CTNNA1: variants seen among roughly 807,000 people sequenced by gnomAD.
The protein encoded by CTNNA1 is catenin alpha 1, also known as catenin alpha-1.
Under a neutral mutation model 98.4 loss-of-function variants are expected in CTNNA1, and 37 were observed. The ratio of observed to expected loss-of-function variants is 0.38; its 90% CI spans 0.29 to 0.49. CTNNA1 has a LOEUF of 0.49. CTNNA1 is among the 20% of genes least tolerant of loss of function. The pLI is 0.95. For synonymous variants in CTNNA1, 404 were observed against 413.2 expected (o/e 0.98, Z 0.27); for missense variants, 761 against 1,147.2 (o/e 0.66, Z 4.86).
At chr5:138,882,824 TTTTG>T (rs1027092952) in intron 7 of CTNNA1, among the ~76,000 whole-genome samples, 37 of 152,280 alleles carry the variant, frequency 2.4e-4, no homozygotes, top group Middle Eastern at 6.8e-3. Context: ...AGAATCTTGT[TTTTG>T]TTTGTTTGTT....
chr5:138,791,244 T>C (rs1203142137), intron 3 of CTNNA1, among the ~76,000 whole-genome samples: 1 of 152,196 alleles, frequency 6.6e-6, no homozygotes. Context: ...GCATTTTCCT[T>C]GAGTAGAAGA....
chr5:138,888,319 A>C (rs1249000426), intron 9 of CTNNA1, among the ~76,000 whole-genome samples: 1 of 152,200 alleles, frequency 6.6e-6, no homozygotes, highest in Non-Finnish European at 1.5e-5. Context: ...AAATTATGTT[A>C]CTTAATTTAT....
rs28745573 is a variant in CTNNA1, at chr5:138,805,763, T to A, written c.302-4275T>A. 1.1e-4 allele frequency among the ~76,000 whole-genome samples: 16 copies of A among 151,690 alleles called. No homozygotes were observed. The East Asian group carries it at 2.3e-3, about 22-fold the overall frequency. ...ACTGCAGCCAACTTAAAAAAAAAAA[T>A]TATTTAGTATAAGAGTTCTTTATAT... is the stretch of plus-strand genomic sequence containing the variant. On this transcript the variant is annotated intron_variant, in intron 3 of 17. Coordinates refer to ENST00000302763, the MANE Select transcript of CTNNA1 (RefSeq NM_001903.5).
intron 3 of CTNNA1, among the ~76,000 whole-genome samples, chr5:138,798,088 T>A (rs561425122): frequency 6.6e-6 from 1 of 152,342 alleles, no homozygotes; most frequent in African/African-American, 2.4e-5. Context: ...CTTGGTATCA[T>A]GACTTTATTT....
At chr5:138,769,592 G>T (rs895771400) in intron 1 of CTNNA1, among the ~76,000 whole-genome samples, 1 of 151,872 alleles carries the variant, frequency 6.6e-6, no homozygotes, top group Non-Finnish European at 1.5e-5. Flanking sequence ...GAGTGCAATG[G>T]TGCGATCTTG....
intron 3 of CTNNA1, among the ~76,000 whole-genome samples, chr5:138,796,019 T>A (rs1046754270): frequency 7.2e-5 from 11 of 152,192 alleles, no homozygotes; most frequent in Non-Finnish European, 1.5e-4. Flanking sequence ...ATTTAATGGA[T>A]CCTGAACATC....
At chr5:138,845,525 C>T (rs1018876034) in intron 7 of CTNNA1, among the ~76,000 whole-genome samples, 1 of 152,204 alleles carries the variant, frequency 6.6e-6, no homozygotes, top group Admixed American at 6.5e-5. Flanking sequence ...TCGACTAAGA[C>T]ATTTTAAAAT....
chr5:138,765,311 G>C (rs1365144060), intron 1 of CTNNA1, among the ~76,000 whole-genome samples: 2 of 152,134 alleles, frequency 1.3e-5, no homozygotes, highest in Admixed American at 6.5e-5. Flanking sequence ...AGAGTGCTAG[G>C]ATTACAGGCG....
chr5:138,855,178 G>T (rs1277557979), intron 7 of CTNNA1, among the ~76,000 whole-genome samples: 1 of 152,146 alleles, frequency 6.6e-6, no homozygotes, highest in African/African-American at 2.4e-5. Context: ...AGCTGGGACT[G>T]CAGGTGCCTG....
intron 10 of CTNNA1, among the ~76,000 whole-genome samples, chr5:138,915,650 A>G (rs191961428): frequency 2.0e-5 from 3 of 152,380 alleles, no homozygotes; most frequent in South Asian, 2.1e-4. Flanking sequence ...AAGAGTGGCA[A>G]TAATTCAAAT....
intron 5 of CTNNA1, among the ~76,000 whole-genome samples, chr5:138,822,675 A>C (rs1371836460): frequency 6.6e-6 from 1 of 152,184 alleles, no homozygotes; most frequent in African/African-American, 2.4e-5. Flanking sequence ...TGATTCTTTA[A>C]ATCTACAGGG....
intron 7 of CTNNA1, among the ~76,000 whole-genome samples, chr5:138,865,484 T>G (rs537414246): frequency 6.6e-6 from 1 of 152,324 alleles, no homozygotes; most frequent in African/African-American, 2.4e-5. Flanking sequence ...ATTCACAGGT[T>G]TTTTCACTTA....
chr5:138,783,147 C>T (rs200659419), intron 2 of CTNNA1, 30 bp from the exon 3 acceptor site: 2 of 1,512,890 alleles, frequency 1.3e-6, no homozygotes, highest in South Asian at 1.3e-5. Flanking sequence ...TTAATTGACT[C>T]CAGTTTAATG....
At chr5:138,817,708 A>C (rs200590723) in intron 5 of CTNNA1, among the ~76,000 whole-genome samples, 1 of 151,774 alleles carries the variant, frequency 6.6e-6, no homozygotes, top group African/African-American at 2.4e-5. Context: ...GAAACTTTCT[A>C]TTGTATTTTT....
At chr5:138,769,691 G>A (rs1382243095) in intron 1 of CTNNA1, among the ~76,000 whole-genome samples, 3 of 148,402 alleles carry the variant, frequency 2.0e-5, no homozygotes, top group African/African-American at 7.5e-5. Flanking sequence ...GCGCCACCAC[G>A]CCCAGCTAAT....
chr5:138,852,024 C>T (rs1031184469), intron 7 of CTNNA1, among the ~76,000 whole-genome samples: 2 of 151,336 alleles, frequency 1.3e-5, no homozygotes, highest in African/African-American at 2.4e-5. Flanking sequence ...GAGCCGAGAT[C>T]GCAACATTAC....
intron 7 of CTNNA1, among the ~76,000 whole-genome samples, chr5:138,881,761 T>TTTG (rs35977291): frequency 0.32 from 48,403 of 151,768 alleles, 7,920 homozygotes; most frequent in African/African-American, 0.41. Flanking sequence ...TAATTCATTG[T>TTTG]TTGTTGTTGT....
At chr5:138,879,454 T>C in intron 7 of CTNNA1, among the ~76,000 whole-genome samples, 1 of 152,068 alleles carries the variant, frequency 6.6e-6, no homozygotes. Flanking sequence ...TGATTTTATT[T>C]TGTTGTTGTG....
intron 3 of CTNNA1, among the ~76,000 whole-genome samples, chr5:138,799,807 T>G (rs1383471199): frequency 6.6e-6 from 1 of 152,154 alleles, no homozygotes; most frequent in African/African-American, 2.4e-5. Context: ...GCCATGAAAT[T>G]AAGGATTTGT....
Sources: gnomAD v4.1 joint callset for allele counts (sites outside exome capture counted in the v4.1 genomes callset) on GRCh38, gnomAD v4.1.1 for gene constraint, MANE v1.5 for transcripts, NCBI Gene and HGNC (gene_info 2026-07-23, HGNC 2026-07-21) for gene names.